Variants in CHRM3 observed in about 807,000 individuals in gnomAD.
CHRM3 encodes muscarinic acetylcholine receptor M3.
A neutral mutation model predicts 41.8 loss-of-function variants in CHRM3; 11 were observed. That is an observed-to-expected ratio of 0.26 (90% CI 0.17 to 0.44). The LOEUF is 0.44. CHRM3 is among the 20% of genes least tolerant of loss of function. The probability of loss-of-function intolerance (pLI) is 1.00; values close to 1 mark genes in which losing one functional copy is unlikely to be tolerated. For synonymous variants in CHRM3, 297 were observed against 301.4 expected (o/e 0.99, Z 0.15); for missense variants, 571 against 745.4 (o/e 0.77, Z 2.72).
At chr1:239,675,976 C>G (rs1407249866) in intron 4 of CHRM3, among the ~76,000 whole-genome samples, 1 of 152,160 alleles carries the variant, frequency 6.6e-6, no homozygotes, top group Non-Finnish European at 1.5e-5. Flanking sequence ...TTTACATGAG[C>G]CTTCTCTCAT....
chr1:239,575,207 C>T (rs990980418), intron 3 of CHRM3, among the ~76,000 whole-genome samples: 1 of 151,920 alleles, frequency 6.6e-6, no homozygotes, highest in South Asian at 2.1e-4. Flanking sequence ...TGTAAAAATG[C>T]CATTTAAATA....
rs138049860 is a variant in CHRM3 at position 239,560,193 on chromosome 1, C to A, written c.-313+14444C>A. On this transcript the variant is annotated intron_variant, in intron 3 of 6. Transcript: ENST00000676153. ...GAAAATATATCAATACTTTCAGATTCTCAGTAACTTTACAATAATGTTAGG... is the reference window on the plus strand; with the variant it reads ...GAAAATATATCAATACTTTCAGATTATCAGTAACTTTACAATAATGTTAGG... Among the ~76,000 whole-genome samples, 48 of 152,214 alleles carry A rather than the reference C, an allele frequency of 3.2e-4. 1 individual carries two copies. The East Asian group carries it at 8.3e-3, about 26-fold the overall frequency.
intron 2 of CHRM3, among the ~76,000 whole-genome samples, chr1:239,505,704 T>C (rs925938444): frequency 1.3e-5 from 2 of 152,198 alleles, no homozygotes; most frequent in Admixed American, 6.5e-5. Flanking sequence ...CTCAAAAATA[T>C]GGAAGTTACT....
At chr1:239,525,611 G>A (rs1189817250) in intron 2 of CHRM3, among the ~76,000 whole-genome samples, 2 of 152,058 alleles carry the variant, frequency 1.3e-5, no homozygotes, top group Non-Finnish European at 2.9e-5. Context: ...GAAAATAAAT[G>A]AATGAACTGA....
chr1:239,700,133 C>A (rs1660550408), intron 5 of CHRM3, among the ~76,000 whole-genome samples: 1 of 152,104 alleles, frequency 6.6e-6, no homozygotes, highest in African/African-American at 2.4e-5. Context: ...TAAGTAACAA[C>A]TACTGGACTC....
chr1:239,533,897 T>C lies in CHRM3; in HGVS notation c.-421-11744T>C, dbSNP rs139074385. ...GGATTATGAGAGCTACAATTCAAGA[T>C]GAGATTTGGGTGAGGACACAGCCAA... On this transcript the variant is annotated intron_variant, in intron 2 of 6. Coordinates refer to ENST00000676153, the MANE Select transcript of CHRM3 (RefSeq NM_001375978.1). Among the ~76,000 whole-genome samples the C allele has an allele frequency of 2.6e-3, 390 of 152,230 alleles. 3 individuals are homozygous for C. Among genetic ancestry groups the C allele is most frequent in the African/African-American group, 8.9e-3 (370 of 41,538 alleles).
chr1:239,754,558 A>T (rs933553604), intron 5 of CHRM3, among the ~76,000 whole-genome samples: 1 of 152,248 alleles, frequency 6.6e-6, no homozygotes, highest in African/African-American at 2.4e-5. Context: ...TCAGTCATGC[A>T]GAGGATTCTT....
chr1:239,648,670 G>T (rs1048003933), intron 4 of CHRM3, among the ~76,000 whole-genome samples: 7 of 152,156 alleles, frequency 4.6e-5, no homozygotes, highest in African/African-American at 1.4e-4. Context: ...GGGAAGGAAT[G>T]GAAGCCAATT....
At chr1:239,411,605 A>G (rs1661068291) in intron 1 of CHRM3, among the ~76,000 whole-genome samples, 1 of 151,244 alleles carries the variant, frequency 6.6e-6, no homozygotes, top group South Asian at 2.1e-4. Flanking sequence ...TGCACATACA[A>G]TCCCAGCTAC....
At chr1:239,459,806 A>C (rs1665220097) in intron 1 of CHRM3, among the ~76,000 whole-genome samples, 1 of 152,342 alleles carries the variant, frequency 6.6e-6, no homozygotes, top group South Asian at 2.1e-4. Context: ...TCTTATTAAA[A>C]GTAATGTCCA....
At chr1:239,803,432 C>T (rs1670371568) in intron 5 of CHRM3, among the ~76,000 whole-genome samples, 1 of 152,176 alleles carries the variant, frequency 6.6e-6, no homozygotes, top group South Asian at 2.1e-4. Flanking sequence ...TCCACTATCA[C>T]ACTCTTTTCA....
chr1:239,867,598 A>G (rs1337074505), intron 6 of CHRM3, among the ~76,000 whole-genome samples: 1 of 151,576 alleles, frequency 6.6e-6, no homozygotes, highest in Non-Finnish European at 1.5e-5. Context: ...AGGCAGGATA[A>G]TTGTTTGAAC....
chr1:239,800,136 G>A (rs1384483391), intron 5 of CHRM3, among the ~76,000 whole-genome samples: 1 of 152,132 alleles, frequency 6.6e-6, no homozygotes, highest in Admixed American at 6.5e-5. Context: ...GGTGTGTGGG[G>A]AAGGGGTTAT....
At chr1:239,665,464 T>G (rs923338801) in intron 4 of CHRM3, among the ~76,000 whole-genome samples, 3 of 152,206 alleles carry the variant, frequency 2.0e-5, no homozygotes, top group African/African-American at 7.2e-5. Context: ...TTCCTGATTT[T>G]TCTAACTGAA....
At chr1:239,752,924 AT>A (rs1193871791) in intron 5 of CHRM3, among the ~76,000 whole-genome samples, 1 of 152,174 alleles carries the variant, frequency 6.6e-6, no homozygotes, top group Non-Finnish European at 1.5e-5. Context: ...GATAAAGAAA[AT>A]GTGAAGCTTC....
chr1:239,854,772 T>C (rs1014199766), intron 6 of CHRM3, among the ~76,000 whole-genome samples: 1 of 152,182 alleles, frequency 6.6e-6, no homozygotes, highest in African/African-American at 2.4e-5. Flanking sequence ...TATCTTCCTA[T>C]GTGAAAATAT....
At chr1:239,482,038 C>T (rs1235975615) in intron 1 of CHRM3, among the ~76,000 whole-genome samples, 1 of 152,052 alleles carries the variant, frequency 6.6e-6, no homozygotes, top group African/African-American at 2.4e-5. Flanking sequence ...GAAGACAATT[C>T]TTTTTTCTAT....
intron 1 of CHRM3, among the ~76,000 whole-genome samples, chr1:239,425,215 C>G (rs1662272219): frequency 6.6e-6 from 1 of 152,192 alleles, no homozygotes; most frequent in Non-Finnish European, 1.5e-5. Context: ...TGTTGGGCCA[C>G]ATAGATCAAA....
intron 4 of CHRM3, among the ~76,000 whole-genome samples, chr1:239,646,602 G>A (rs1671759338): frequency 6.6e-6 from 1 of 152,170 alleles, no homozygotes; most frequent in African/African-American, 2.4e-5. Context: ...TGAGACTTGA[G>A]AAAGGGCAGG....
Sources: gnomAD v4.1 joint callset for allele counts (sites outside exome capture counted in the v4.1 genomes callset) on GRCh38, gnomAD v4.1.1 for gene constraint, MANE v1.5 for transcripts, NCBI Gene and HGNC (gene_info 2026-07-23, HGNC 2026-07-21) for gene names.